Variants in COA6 observed in about 807,000 individuals in gnomAD.
COA6 encodes the protein cytochrome c oxidase assembly factor 6, also known as cytochrome c oxidase assembly factor 6 homolog.
COA6 carries 12 observed loss-of-function variants against 17.1 expected under a neutral mutation model. The ratio of observed to expected loss-of-function variants is 0.70; its 90% confidence interval spans 0.45 to 1.14. The LOEUF is 1.14. Ranked by LOEUF, COA6 falls within the 50% of genes most tolerant of loss-of-function variation. COA6 has a pLI of 0.00. For missense variants in COA6, 246 were observed against 196.5 expected (o/e 1.25, Z -1.51); for synonymous variants, 90 against 73.4 (o/e 1.23, Z -1.16).
At chr1:234,383,030 A>AGAGAGG (rs149002825) in intron 2 of COA6, among the ~76,000 whole-genome samples, 4 of 73,198 alleles carry the variant, frequency 5.5e-5, no homozygotes, top group Non-Finnish European at 7.8e-5. Context: ...AGAGAGAGAG[A>AGAGAGG]GAAGGAAGGG....
rs555105522 is a variant in COA6, at chr1:234,380,545, C to A, written c.373-3178C>A. On this transcript the variant is annotated intron_variant, in intron 2 of 2. Transcript: ENST00000366615. Reference sequence around the variant, plus strand: ...CACGAAATAAAGATAAAAAATAGCACCACCAAATTGGGATTTAGATTGAGT... The same window carrying A: ...CACGAAATAAAGATAAAAAATAGCAACACCAAATTGGGATTTAGATTGAGT... Among the ~76,000 whole-genome samples the A allele has an allele frequency of 2.6e-5, 4 of 152,318 alleles. No individual in the cohort carries two copies. In the East Asian group the frequency reaches 7.7e-4, roughly 29 times the overall value.
chr1:234,384,463 G>A lies in COA6; in HGVS notation c.*645G>A, dbSNP rs941240174. On this transcript the variant is annotated 3_prime_UTR_variant, in exon 3 of 3. Coordinates refer to ENST00000366615, the MANE Select transcript of COA6 (RefSeq NM_001206641.3). ...ACAAAAAGAGCTCCTAGAACTATAA[G>A]TCAATCATAGAAAGGTTGCAGGAAA... Among the ~76,000 whole-genome samples, 3 of 152,048 alleles carry A rather than the reference G, an allele frequency of 2.0e-5. No individual in the cohort carries two copies. Among genetic ancestry groups the A allele is most frequent in the Admixed American group, 6.5e-5 (1 of 15,268 alleles).
chr1:234,383,009 G>C (rs936041979), intron 2 of COA6, among the ~76,000 whole-genome samples: 1 of 69,976 alleles, frequency 1.4e-5, no homozygotes, highest in Non-Finnish European at 2.4e-5. Context: ...TCTCTGTCAA[G>C]AAAGAAAGAG....
chr1:234,377,068 G>C (rs1449281803), intron 2 of COA6, among the ~76,000 whole-genome samples: 27 of 98,846 alleles, frequency 2.7e-4, no homozygotes, highest in Admixed American at 5.9e-4. Context: ...CCGAGAGAGA[G>C]AGAGAGAGAG....
chr1:234,373,898 C>G (rs541563475), intron 1 of COA6: 1 of 1,573,176 alleles, frequency 6.4e-7, no homozygotes, highest in African/African-American at 1.3e-5. Flanking sequence ...TGGTGGGAAA[C>G]GGGCTCGGAG....
chr1:234,376,743 C>T (rs1310788757), intron 2 of COA6, among the ~76,000 whole-genome samples: 1 of 152,204 alleles, frequency 6.6e-6, no homozygotes, highest in Non-Finnish European at 1.5e-5. Flanking sequence ...GTTCTCTCAC[C>T]CAGTTCCTTC....
chr1:234,380,221 G>A (rs1206419019), intron 2 of COA6, among the ~76,000 whole-genome samples: 1 of 152,198 alleles, frequency 6.6e-6, no homozygotes, highest in Non-Finnish European at 1.5e-5. Context: ...AATTGCCACA[G>A]AATAAAAGCT....
Position 234,374,981 on chromosome 1 carries a change from C to CCAGT in COA6, c.372+593_372+596dup, listed in dbSNP as rs376390599. 5.5e-4 allele frequency among the ~76,000 whole-genome samples: 83 copies of CCAGT among 152,224 alleles called. No individual in the cohort carries two copies. In the East Asian group the frequency reaches 0.015, roughly 27 times the overall value. On this transcript the variant is annotated intron_variant, in intron 2 of 2. Coordinates refer to ENST00000366615, the MANE Select transcript of COA6 (RefSeq NM_001206641.3). Reference sequence around the variant, plus strand: ...TAAGTGCTTGACATTTTCATCTTCACCAGTACCTGTTAAGATAGGTGTTGT... The same window carrying CCAGT: ...TAAGTGCTTGACATTTTCATCTTCACCAGTCAGTACCTGTTAAGATAGGTGTTGT...
intron 2 of COA6, among the ~76,000 whole-genome samples, chr1:234,376,318 G>T (rs570703198): frequency 8.3e-4 from 126 of 152,254 alleles, no homozygotes; most frequent in Middle Eastern, 3.4e-3. Flanking sequence ...CCAGCCATTT[G>T]GTTCTTGATC....
At chr1:234,379,004 ATTTTTTT>A (rs377669777) in intron 2 of COA6, among the ~76,000 whole-genome samples, 15 of 136,434 alleles carry the variant, frequency 1.1e-4, no homozygotes, top group Admixed American at 3.0e-4. Flanking sequence ...TACTTTTTTA[ATTTTTTT>A]TTTTTTTTTT....
intron 2 of COA6, among the ~76,000 whole-genome samples, chr1:234,375,793 A>G (rs952935276): frequency 7.9e-5 from 12 of 152,182 alleles, no homozygotes; most frequent in African/African-American, 2.2e-4. Context: ...AGCTGGCACT[A>G]TGGGCATTTG....
At chr1:234,377,059 C>CGAGAGAGAGAGAGAGAGAGAGAGA (rs71170479) in intron 2 of COA6, among the ~76,000 whole-genome samples, 9 of 82,638 alleles carry the variant, frequency 1.1e-4, no homozygotes, top group Non-Finnish European at 1.4e-4. Flanking sequence ...GCTGTGTTGC[C>CGAGAGAGAGAGAGAGAGAGAGAGA]GAGAGAGAGA....
At chr1:234,377,103 C>CGAGAGAGAGAGAGAGAGAGAGAGAGA (rs1658826838) in intron 2 of COA6, among the ~76,000 whole-genome samples, 1 of 35,638 alleles carries the variant, frequency 2.8e-5, no homozygotes, top group Non-Finnish European at 5.1e-5. Context: ...AGAGAGAGAT[C>CGAGAGAGAGAGAGAGAGAGAGAGAGA]CAGTCTCTGT....
At chr1:234,374,196 C>A (rs370083552) in intron 1 of COA6, 34 bp from the exon 2 acceptor site, 32 of 1,574,740 alleles carry the variant, frequency 2.0e-5, no homozygotes, top group South Asian at 1.4e-4. Flanking sequence ...TTACAAAGTT[C>A]ATTGTTAATC....
At chr1:234,374,601 C>T (rs1476244589) in intron 2 of COA6, among the ~76,000 whole-genome samples, 1 of 152,098 alleles carries the variant, frequency 6.6e-6, no homozygotes, top group South Asian at 2.1e-4. Flanking sequence ...TAAAGAGCAT[C>T]GAAAAACACA....
intron 2 of COA6, among the ~76,000 whole-genome samples, chr1:234,383,041 AGGGAGGGAGGGAGGGAGGGAGGG>A (rs1659020858): frequency 8.4e-5 from 1 of 11,854 alleles, no homozygotes; most frequent in East Asian, 2.1e-3. Flanking sequence ...GAAGGAAGGG[AGGGAGGGAGGGAGGGAGGGAGGG>A]AGGGAAGGGA....
intron 2 of COA6, among the ~76,000 whole-genome samples, chr1:234,374,862 C>T (rs752435804): frequency 1.8e-4 from 28 of 152,158 alleles, no homozygotes; most frequent in Non-Finnish European, 3.7e-4. Context: ...TTCTGTCTCC[C>T]TGACAGGCAT....
chr1:234,375,578 A>G (rs1658768598), intron 2 of COA6, among the ~76,000 whole-genome samples: 3 of 152,202 alleles, frequency 2.0e-5, no homozygotes, highest in Non-Finnish European at 4.4e-5. Context: ...AGGCTACAAG[A>G]AGGCTGTGAT....
Position 234,373,598 on chromosome 1 carries a change from C to T in COA6, c.132C>T (p.Ala44=), listed in dbSNP as rs1658676832. 6.2e-7 allele frequency: 1 copy of T among 1,612,576 alleles called. No individual in the cohort carries two copies. The highest frequency in any genetic ancestry group is 8.5e-7 in the Non-Finnish European group (1 of 1,179,548). The change falls in exon 1 of 3, where the codon GCC becomes GCT. Residue 44 remains alanine, a synonymous_variant. Transcript: ENST00000366615. ...GCAGTGGCAGGACTCGGCACCGCGC[C>T]CTCCACCGCCGGTTGGTGGCCTGCG... ...RPCSGRTRHR[A]LHRRLVACVT... is the part of the protein sequence containing the mutation.
Sources: gnomAD v4.1 joint callset for allele counts (sites outside exome capture counted in the v4.1 genomes callset) on GRCh38, gnomAD v4.1.1 for gene constraint, MANE v1.5 for transcripts, NCBI Gene and HGNC (gene_info 2026-07-23, HGNC 2026-07-21) for gene names.